DLGAP2: variants seen among roughly 807,000 people sequenced by gnomAD.
The protein encoded by DLGAP2 is disks large-associated protein 2.
In DLGAP2, 26 loss-of-function variants were observed where a neutral mutation model predicts 100.3. That is an observed-to-expected ratio of 0.26 (90% confidence interval 0.19 to 0.36). DLGAP2 has a LOEUF of 0.36. DLGAP2 is among the 10% of genes least tolerant of loss of function. The pLI is 1.00. For missense variants in DLGAP2, 1,858 were observed against 1,453.2 expected, an observed-to-expected ratio of 1.28 and a Z score of -4.53; for synonymous variants, 886 against 630.1, an observed-to-expected ratio of 1.41 and a Z score of -6.08.
At chr8:1,427,009 A>G (rs1797256314) in intron 3 of DLGAP2, among the ~76,000 whole-genome samples, 1 of 152,222 alleles carries the variant, frequency 6.6e-6, no homozygotes, top group African/African-American at 2.4e-5. Flanking sequence ...TTATTTGAAT[A>G]ATTTAAAGAA....
At chr8:1,435,061 C>T (rs1446159817) in intron 3 of DLGAP2, among the ~76,000 whole-genome samples, 3 of 152,278 alleles carry the variant, frequency 2.0e-5, no homozygotes, top group African/African-American at 4.8e-5. Flanking sequence ...TTGGCTCCGC[C>T]GTCCTTATTG....
chr8:1,571,159 G>A (rs559521812), intron 6 of DLGAP2, among the ~76,000 whole-genome samples: 44 of 130,594 alleles, frequency 3.4e-4, no homozygotes, highest in Non-Finnish European at 6.5e-4. Context: ...CTTCTGGGAT[G>A]GAGAGGAGAG....
intron 2 of DLGAP2, among the ~76,000 whole-genome samples, chr8:1,244,614 C>CCCACCTGCT (rs56258172): frequency 0.98 from 148,533 of 152,104 alleles, 72,570 homozygotes; most frequent in Middle Eastern, 1. Flanking sequence ...CAAATCCAGC[C>CCCACCTGCT]CCATACACCA....
chr8:763,420 C>T (rs1019466589), intron 1 of DLGAP2, among the ~76,000 whole-genome samples: 5 of 152,220 alleles, frequency 3.3e-5, no homozygotes, highest in African/African-American at 1.2e-4. Flanking sequence ...TTCACTGTTG[C>T]TGCCGTGCTC....
intron 3 of DLGAP2, among the ~76,000 whole-genome samples, chr8:1,310,548 C>T (rs1280096271): frequency 6.6e-6 from 1 of 152,210 alleles, no homozygotes; most frequent in Non-Finnish European, 1.5e-5. Flanking sequence ...ACACATTCTT[C>T]TCAAGTGTAC....
At chr8:1,211,125 A>G (rs548726854) in intron 2 of DLGAP2, among the ~76,000 whole-genome samples, 10 of 152,332 alleles carry the variant, frequency 6.6e-5, no homozygotes, top group South Asian at 2.1e-4. Flanking sequence ...ATTTTGAACA[A>G]TGTTCCGTGG....
At chr8:1,441,391 C>T (rs528826858) in intron 3 of DLGAP2, among the ~76,000 whole-genome samples, 1 of 152,206 alleles carries the variant, frequency 6.6e-6, no homozygotes, top group African/African-American at 2.4e-5. Context: ...CCTAAGGCCC[C>T]ATTTAAAGTA....
intron 6 of DLGAP2, among the ~76,000 whole-genome samples, chr8:1,625,301 C>A (rs1427920173): frequency 1.3e-5 from 2 of 152,226 alleles, no homozygotes; most frequent in Non-Finnish European, 2.9e-5. Context: ...ATGAATTTTA[C>A]TGCACTGTGG....
intron 3 of DLGAP2, among the ~76,000 whole-genome samples, chr8:1,363,577 T>C (rs1431287059): frequency 6.6e-6 from 1 of 152,216 alleles, no homozygotes; most frequent in Non-Finnish European, 1.5e-5. Context: ...AACTTGGTCC[T>C]GGCTGTCTTC....
intron 2 of DLGAP2, among the ~76,000 whole-genome samples, chr8:1,231,551 C>G (rs1798535746): frequency 6.6e-6 from 1 of 152,164 alleles, no homozygotes; most frequent in African/African-American, 2.4e-5. Flanking sequence ...CATTGCAGCA[C>G]TACTCACGAT....
chr8:1,585,377 T>C (rs1796085280), intron 6 of DLGAP2, among the ~76,000 whole-genome samples: 1 of 152,020 alleles, frequency 6.6e-6, no homozygotes, highest in Non-Finnish European at 1.5e-5. Flanking sequence ...GCCAGGAGAA[T>C]TGCGTGAATC....
At chr8:1,322,572 G>C (rs1394795911) in intron 3 of DLGAP2, among the ~76,000 whole-genome samples, 1 of 151,602 alleles carries the variant, frequency 6.6e-6, no homozygotes, top group Admixed American at 6.6e-5. Flanking sequence ...GATTTCACAC[G>C]TATTGTTCCA....
chr8:981,608 A>G (rs1009368503), intron 2 of DLGAP2, among the ~76,000 whole-genome samples: 3 of 152,120 alleles, frequency 2.0e-5, no homozygotes, highest in African/African-American at 4.8e-5. Flanking sequence ...GTTTGATAGT[A>G]GCTGTACTAG....
intron 1 of DLGAP2, among the ~76,000 whole-genome samples, chr8:749,523 G>T (rs1820739010): frequency 6.6e-6 from 1 of 151,712 alleles, no homozygotes; most frequent in South Asian, 2.1e-4. Context: ...CCTTTTATAA[G>T]TTAATTTTCA....
chr8:1,284,543 G>T (rs938868823), intron 3 of DLGAP2, among the ~76,000 whole-genome samples: 5 of 152,162 alleles, frequency 3.3e-5, no homozygotes, highest in Admixed American at 2.0e-4. Flanking sequence ...CGCTTTCAGT[G>T]TTGCCTGTTT....
In DLGAP2 at chr8:1,604,300, A is replaced by G. The variant is rs191676332; in HGVS notation, c.1443-22440A>G. 2.4e-4 allele frequency among the ~76,000 whole-genome samples: 37 copies of G among 152,306 alleles called. No individual in the cohort carries two copies. In the East Asian group the frequency reaches 6.8e-3, roughly 28 times the overall value. On this transcript the variant is annotated intron_variant, in intron 6 of 14. Coordinates refer to ENST00000637795, the MANE Select transcript of DLGAP2 (RefSeq NM_001346810.2). ...TAACACCAGGGAGAGATGTTTCACT[A>G]GGGTGTTCATTATGATTTGCAAATG...
intron 1 of DLGAP2, among the ~76,000 whole-genome samples, chr8:836,657 C>T (rs1796882653): frequency 6.6e-6 from 1 of 152,200 alleles, no homozygotes; most frequent in African/African-American, 2.4e-5. Flanking sequence ...TTCCGTTTCC[C>T]CGGCCTACAG....
intron 2 of DLGAP2, among the ~76,000 whole-genome samples, chr8:923,288 T>C (rs1284987121): frequency 2.0e-5 from 3 of 152,190 alleles, no homozygotes; most frequent in Non-Finnish European, 4.4e-5. Context: ...CTGGTCTGTG[T>C]CAGTCTTGGC....
chr8:1,594,293 A>T (rs1056558873), intron 6 of DLGAP2, among the ~76,000 whole-genome samples: 10 of 152,252 alleles, frequency 6.6e-5, no homozygotes, highest in African/African-American at 2.4e-4. Flanking sequence ...TATATGATTT[A>T]TTCGACAGAG....
Sources: gnomAD v4.1 joint callset for allele counts (sites outside exome capture counted in the v4.1 genomes callset) on GRCh38, gnomAD v4.1.1 for gene constraint, MANE v1.5 for transcripts, NCBI Gene and HGNC (gene_info 2026-07-23, HGNC 2026-07-21) for gene names.